LRRC4C: variants seen among roughly 807,000 people sequenced by gnomAD.
The protein encoded by LRRC4C is leucine-rich repeat-containing protein 4C.
In LRRC4C, 5 loss-of-function variants were observed where a neutral mutation model predicts 33.6. The ratio of observed to expected loss-of-function variants is 0.15; its 90% confidence interval spans 0.08 to 0.31. The LOEUF is 0.31. Among genes scored for constraint, LRRC4C ranks in the 10% least tolerant of loss-of-function variants. LRRC4C has a pLI of 1.00. For synonymous variants in LRRC4C, 329 were observed against 302.0 expected (o/e 1.09, Z -0.93); for missense variants, 560 against 796.7 (o/e 0.70, Z 3.58).
At chr11:41,073,326 G>A (rs1260027300) in intron 1 of LRRC4C, among the ~76,000 whole-genome samples, 1 of 142,038 alleles carries the variant, frequency 7.0e-6, no homozygotes, top group East Asian at 2.2e-4. Flanking sequence ...GAGGGGGAAA[G>A]TGAGGGGTTT....
chr11:41,195,844 G>A (rs140844178), intron 1 of LRRC4C, among the ~76,000 whole-genome samples: 3,468 of 151,996 alleles, frequency 0.023, 50 homozygotes, highest in Non-Finnish European at 0.036. Context: ...AATTGGAGTC[G>A]ACAAGGTCTC....
chr11:40,818,987 C>T (rs1951815844), intron 2 of LRRC4C, among the ~76,000 whole-genome samples: 1 of 151,958 alleles, frequency 6.6e-6, no homozygotes. Flanking sequence ...CTATATATAT[C>T]CTGAACCAAT....
chr11:40,999,833 T>C (rs1854245617), intron 1 of LRRC4C, among the ~76,000 whole-genome samples: 1 of 152,082 alleles, frequency 6.6e-6, no homozygotes, highest in Non-Finnish European at 1.5e-5. Context: ...TAGCAGAGCG[T>C]GAAAGGCATT....
At chr11:40,921,597 C>A (rs1400870881) in intron 2 of LRRC4C, among the ~76,000 whole-genome samples, 1 of 151,946 alleles carries the variant, frequency 6.6e-6, no homozygotes, top group Non-Finnish European at 1.5e-5. Flanking sequence ...AAGATAATCA[C>A]CTTGTTTTTT....
intron 3 of LRRC4C, among the ~76,000 whole-genome samples, chr11:40,530,332 C>T (rs61332645): frequency 0.088 from 13,365 of 152,006 alleles, 1,666 homozygotes; most frequent in African/African-American, 0.28. Flanking sequence ...AAAAAGTAAA[C>T]ATGAATTTAT....
intron 1 of LRRC4C, among the ~76,000 whole-genome samples, chr11:41,199,136 T>C (rs1213128589): frequency 1.3e-5 from 2 of 152,108 alleles, no homozygotes; most frequent in Non-Finnish European, 2.9e-5. Context: ...TATACTAAAT[T>C]CTCAAGGAAA....
intron 5 of LRRC4C, among the ~76,000 whole-genome samples, chr11:40,169,755 TA>T (rs1424499467): frequency 1.3e-5 from 2 of 152,066 alleles, no homozygotes; most frequent in Non-Finnish European, 2.9e-5. Context: ...GTATTCCACT[TA>T]AAAAAAGAGA....
chr11:40,796,696 G>C (rs536128365), intron 2 of LRRC4C, among the ~76,000 whole-genome samples: 11 of 146,190 alleles, frequency 7.5e-5, no homozygotes, highest in African/African-American at 2.8e-4. Context: ...CCACAGGCTG[G>C]AGTGCAATGG....
intron 1 of LRRC4C, among the ~76,000 whole-genome samples, chr11:41,353,971 A>G (rs1374365967): frequency 6.6e-6 from 1 of 152,166 alleles, no homozygotes; most frequent in Non-Finnish European, 1.5e-5. Flanking sequence ...GAAAAAAGAC[A>G]AGGATGCCCA....
chr11:40,365,468 C>T (rs67842779), intron 3 of LRRC4C, among the ~76,000 whole-genome samples: 15,808 of 151,882 alleles, frequency 0.1, 1,052 homozygotes, highest in East Asian at 0.3. Context: ...TAAGTTCTGC[C>T]GGTTTTTTTA....
At chr11:40,671,548 A>G (rs1944111331) in intron 2 of LRRC4C, among the ~76,000 whole-genome samples, 2 of 151,772 alleles carry the variant, frequency 1.3e-5, no homozygotes, top group Admixed American at 6.6e-5. Context: ...ATATAGCACA[A>G]GTTTATTTAT....
chr11:40,987,723 A>G (rs548609424), intron 1 of LRRC4C, among the ~76,000 whole-genome samples: 29 of 146,928 alleles, frequency 2.0e-4, no homozygotes, highest in Non-Finnish European at 3.7e-4. Flanking sequence ...TGATATATAT[A>G]GTTTCTGTTT....
chr11:40,915,497 A>G (rs1263014717), intron 2 of LRRC4C, among the ~76,000 whole-genome samples: 3 of 152,226 alleles, frequency 2.0e-5, no homozygotes, highest in Non-Finnish European at 4.4e-5. Flanking sequence ...AGCCATATGT[A>G]GAAAGCTGAA....
intron 4 of LRRC4C, among the ~76,000 whole-genome samples, chr11:40,268,977 T>C (rs767644444): frequency 6.6e-6 from 1 of 152,210 alleles, no homozygotes; most frequent in Non-Finnish European, 1.5e-5. Flanking sequence ...CGTTTTGAAT[T>C]CAGTACTTTT....
chr11:40,729,916 C>T lies in LRRC4C; in HGVS notation c.-406-81638G>A, dbSNP rs564595528. Reference sequence around the variant, plus strand: ...AACTTCAAATATACACCATGGAATACTATGCAGCCATAAAAAATGATGAGT... The same window carrying T: ...AACTTCAAATATACACCATGGAATATTATGCAGCCATAAAAAATGATGAGT... On this transcript the variant is annotated intron_variant, in intron 2 of 6. Coordinates refer to ENST00000528697, the MANE Select transcript of LRRC4C (RefSeq NM_001258419.2). Among the ~76,000 whole-genome samples the T allele has an allele frequency of 1.4e-4, 22 of 152,206 alleles. No homozygotes were observed. In the South Asian group the frequency reaches 4.1e-3, roughly 29 times the overall value.
chr11:41,293,899 T>A (rs1049314240), intron 1 of LRRC4C, among the ~76,000 whole-genome samples: 4 of 151,624 alleles, frequency 2.6e-5, no homozygotes, highest in Admixed American at 6.6e-5. Context: ...GCCCGGCCAA[T>A]GTTATTAAAC....
chr11:40,356,407 T>C (rs1286895759), intron 3 of LRRC4C, among the ~76,000 whole-genome samples: 2 of 152,228 alleles, frequency 1.3e-5, no homozygotes, highest in East Asian at 1.9e-4. Flanking sequence ...AAGATACTTA[T>C]ATTAACTCAT....
At chr11:41,173,335 C>G (rs1945058362) in intron 1 of LRRC4C, among the ~76,000 whole-genome samples, 1 of 152,092 alleles carries the variant, frequency 6.6e-6, no homozygotes. Flanking sequence ...TTCCCAATCC[C>G]TTCTCTGTAG....
intron 3 of LRRC4C, among the ~76,000 whole-genome samples, chr11:40,322,800 C>T (rs753862806): frequency 4.2e-4 from 64 of 152,284 alleles, no homozygotes; most frequent in Non-Finnish European, 8.2e-4. Flanking sequence ...GGGTACTTTG[C>T]TCAGGGTCTG....
Sources: allele counts gnomAD v4.1 joint callset (sites outside exome capture counted in the v4.1 genomes callset), GRCh38; gene constraint gnomAD v4.1.1; transcripts MANE v1.5; gene names NCBI Gene and HGNC (gene_info 2026-07-23, HGNC 2026-07-21).